The following RAPGEF2 variants were observed in gnomAD, a reference collection of about 807,000 sequenced individuals.
The protein encoded by RAPGEF2 is PDZ domain containing guanine nucleotide exchange factor (GEF) 1.
RAPGEF2 carries 54 observed loss-of-function variants against 186.7 expected under a neutral mutation model. The observed-to-expected ratio is 0.29, with a 90% CI of 0.23 to 0.36. The LOEUF is 0.36. Among genes scored for constraint, RAPGEF2 ranks in the 10% least tolerant of loss-of-function variants. RAPGEF2 has a pLI of 1.00. For synonymous variants in RAPGEF2, 712 were observed against 705.9 expected (o/e 1.01, Z -0.14); for missense variants, 1,532 against 2,045.0 (o/e 0.75, Z 4.84).
rs758393477 is a variant in RAPGEF2, at chr4:159,322,340, T to G, written c.854-7T>G. 1 of 1,613,044 alleles carries G rather than the reference T, an allele frequency of 6.2e-7. No homozygotes were observed. The highest frequency in any genetic ancestry group is 8.5e-7 in the Non-Finnish European group (1 of 1,179,216). On this transcript the variant is annotated splice_polypyrimidine_tract_variant and splice_region_variant and intron_variant, in intron 9 of 29. Transcript: ENST00000691494. ...AGTTTTTACAAAGTATGTCTTTTGC[T>G]TTTCAGAACAACTCTTGGAATTTAT...
At chr4:159,252,576 A>C (rs1339783189) in intron 7 of RAPGEF2, among the ~76,000 whole-genome samples, 1 of 152,198 alleles carries the variant, frequency 6.6e-6, no homozygotes, top group African/African-American at 2.4e-5. Flanking sequence ...TTTAAAAATT[A>C]CTCTGTAGTA....
intron 7 of RAPGEF2, among the ~76,000 whole-genome samples, chr4:159,280,978 A>AAGT (rs1759614226): frequency 1.0e-5 from 1 of 99,336 alleles, no homozygotes; most frequent in Non-Finnish European, 2.0e-5. Context: ...CAAGTAATTT[A>AAGT]ACTACTTCTT....
At chr4:159,352,194 CT>C (rs1449487268) in intron 26 of RAPGEF2, among the ~76,000 whole-genome samples, 2 of 152,094 alleles carry the variant, frequency 1.3e-5, no homozygotes, top group Non-Finnish European at 1.5e-5. Flanking sequence ...GGTCTTATTT[CT>C]TATTCTTTTT....
chr4:159,159,735 G>C (rs1183438303), intron 1 of RAPGEF2, among the ~76,000 whole-genome samples: 1 of 152,152 alleles, frequency 6.6e-6, no homozygotes, highest in African/African-American at 2.4e-5. Flanking sequence ...TCTACAACTT[G>C]ACCTCTTCAT....
intron 7 of RAPGEF2, among the ~76,000 whole-genome samples, chr4:159,299,640 T>A (rs114275561): frequency 0.016 from 2,417 of 152,180 alleles, 75 homozygotes; most frequent in African/African-American, 0.055. Context: ...ACTTTTTTTT[T>A]AACTTATTAT....
chr4:159,322,609 A>T, intron 10 of RAPGEF2, 126 bp downstream of exon 10: 1 of 721,366 alleles, frequency 1.4e-6, no homozygotes, highest in South Asian at 2.0e-5. Flanking sequence ...TGAATAATTC[A>T]AGAATTATGG....
In RAPGEF2 at chr4:159,124,905, T is replaced by C. The variant is rs994228981; in HGVS notation, c.69+20674T>C. 3.3e-5 allele frequency among the ~76,000 whole-genome samples: 5 copies of C among 152,238 alleles called. 1 individual carries two copies. In the South Asian group the frequency reaches 1.0e-3, roughly 31 times the overall value. On this transcript the variant is annotated intron_variant, in intron 1 of 29. Transcript: ENST00000691494. ...CTATTTATTATTGTTCATCTGTTAA[T>C]GTTCATCCAGAATGGTTTTTCCAGA...
intron 4 of RAPGEF2, among the ~76,000 whole-genome samples, chr4:159,219,444 C>T (rs944080015): frequency 4.6e-5 from 7 of 150,814 alleles, no homozygotes; most frequent in Admixed American, 1.3e-4. Context: ...CAAGCCCCGC[C>T]TCCCGGGTTC....
intron 1 of RAPGEF2, among the ~76,000 whole-genome samples, chr4:159,164,703 G>T (rs1019976438): frequency 2.6e-5 from 4 of 152,086 alleles, no homozygotes; most frequent in Non-Finnish European, 5.9e-5. Context: ...TTAAATAATG[G>T]CTTGAAACAG....
At chr4:159,312,883 C>T (rs1004636831) in intron 8 of RAPGEF2, among the ~76,000 whole-genome samples, 2 of 152,180 alleles carry the variant, frequency 1.3e-5, no homozygotes, top group Non-Finnish European at 1.5e-5. Flanking sequence ...CGTGGTGGCT[C>T]ATGCCTGTAA....
chr4:159,237,562 A>T (rs1753414517), intron 4 of RAPGEF2, among the ~76,000 whole-genome samples: 1 of 152,090 alleles, frequency 6.6e-6, no homozygotes, highest in African/African-American at 2.4e-5. Flanking sequence ...TATTACTATG[A>T]CATAAAGAGG....
intron 1 of RAPGEF2, among the ~76,000 whole-genome samples, chr4:159,143,195 A>G (rs1056169747): frequency 6.6e-6 from 1 of 152,080 alleles, no homozygotes; most frequent in Non-Finnish European, 1.5e-5. Flanking sequence ...GCTCCTCTGC[A>G]TAGCTACTGC....
At position 159,129,805 on chromosome 4, in the gene RAPGEF2, A is replaced by C. The variant is rs186543885; in HGVS notation, c.69+25574A>C. On this transcript the variant is annotated intron_variant, in intron 1 of 29. Transcript: ENST00000691494. ...CGGACCCTGAAAAGAGGGTTCTTGG[A>C]TCTTGGGCAAGAAAGAATTTGGGGT... 2.4e-3 allele frequency among the ~76,000 whole-genome samples: 361 copies of C among 152,288 alleles called. 1 individual carries two copies. The highest frequency in any genetic ancestry group is 8.4e-3 in the African/African-American group (351 of 41,554).
intron 7 of RAPGEF2, among the ~76,000 whole-genome samples, chr4:159,247,384 A>G (rs562450854): frequency 6.6e-6 from 1 of 152,202 alleles, no homozygotes; most frequent in Non-Finnish European, 1.5e-5. Context: ...GGATGGTTTC[A>G]TGAACCACCT....
At chr4:159,183,740 C>A (rs891661318) in intron 1 of RAPGEF2, among the ~76,000 whole-genome samples, 1 of 152,006 alleles carries the variant, frequency 6.6e-6, no homozygotes, top group Non-Finnish European at 1.5e-5. Flanking sequence ...AAAATATGAA[C>A]AAAGAATTTT....
chr4:159,172,167 C>T (rs1745979257), intron 1 of RAPGEF2, among the ~76,000 whole-genome samples: 2 of 152,180 alleles, frequency 1.3e-5, no homozygotes, highest in African/African-American at 4.8e-5. Context: ...GGTGGACCTA[C>T]ATTTGGAACC....
At chr4:159,231,489 A>G (rs1579534546) in intron 4 of RAPGEF2, among the ~76,000 whole-genome samples, 1 of 152,126 alleles carries the variant, frequency 6.6e-6, no homozygotes, top group African/African-American at 2.4e-5. Flanking sequence ...GAGAAATAAT[A>G]TATGTTTTGT....
chr4:159,109,059 A>C (rs1439649780), intron 1 of RAPGEF2, among the ~76,000 whole-genome samples: 1 of 152,210 alleles, frequency 6.6e-6, no homozygotes, highest in East Asian at 1.9e-4. Context: ...TAAAATTATA[A>C]TGGGATGCGC....
At chr4:159,267,767 G>T in intron 7 of RAPGEF2, 8 of 1,010,688 alleles carry the variant, frequency 7.9e-6, no homozygotes, top group Non-Finnish European at 9.5e-6. Context: ...GAGTCTGTGT[G>T]CAGTCAGCCA....
Sources: gnomAD v4.1 joint callset for allele counts (sites outside exome capture counted in the v4.1 genomes callset) on GRCh38, gnomAD v4.1.1 for gene constraint, MANE v1.5 for transcripts, NCBI Gene and HGNC (gene_info 2026-07-23, HGNC 2026-07-21) for gene names.